The following CCNY variants were observed in gnomAD, a reference collection of about 807,000 sequenced individuals.
CCNY encodes cyclin Y.
In CCNY, 19 loss-of-function variants were observed where a neutral mutation model predicts 42.8. The observed-to-expected ratio is 0.44, with a 90% CI of 0.31 to 0.65. The LOEUF is 0.65. CCNY is among the 30% of genes least tolerant of loss of function. The pLI, the probability that CCNY is intolerant of heterozygous loss-of-function variation, is 0.07. For synonymous variants in CCNY, 165 were observed against 162.7 expected (o/e 1.01, Z -0.11); for missense variants, 370 against 437.3 (o/e 0.85, Z 1.37).
chr10:35,528,268 G>A (rs1840693102), intron 5 of CCNY, among the ~76,000 whole-genome samples: 3 of 152,168 alleles, frequency 2.0e-5, no homozygotes, highest in Admixed American at 2.0e-4. Flanking sequence ...GTGTAACCAC[G>A]TGCACCCAGA....
At chr10:35,324,104 A>T (rs1835853144) in intron 3 of CCNY, among the ~76,000 whole-genome samples, 1 of 152,164 alleles carries the variant, frequency 6.6e-6, no homozygotes, top group Non-Finnish European at 1.5e-5. Flanking sequence ...GTGAAAAAGA[A>T]TACACCTCAA....
chr10:35,555,391 C>T (rs1049358675), intron 8 of CCNY, among the ~76,000 whole-genome samples: 1 of 152,132 alleles, frequency 6.6e-6, no homozygotes, highest in Non-Finnish European at 1.5e-5. Context: ...ATTTGGAATT[C>T]TAGGTACTTA....
intron 3 of CCNY, among the ~76,000 whole-genome samples, chr10:35,506,655 C>G (rs1260266822): frequency 6.6e-6 from 1 of 152,170 alleles, no homozygotes; most frequent in Admixed American, 6.6e-5. Context: ...TACAGGGCAG[C>G]CGACAGGTGG....
At chr10:35,422,714 A>G (rs187967984) in intron 1 of CCNY, among the ~76,000 whole-genome samples, 182 of 152,218 alleles carry the variant, frequency 1.2e-3, no homozygotes, top group African/African-American at 4.3e-3. Context: ...ATATTTGCTT[A>G]TTTTTTTGTC....
At position 35,399,349 on chromosome 10, in the gene CCNY, C is replaced by T. The variant is rs1032059877; in HGVS notation, c.154+62142C>T. On this transcript the variant is annotated intron_variant, in intron 1 of 9. Transcript: ENST00000374704. ...CTTATCCATGTTTGAGGTTACTTCT[C>T]GGGGACTGGTGTCTTGGGTGTCTAC... Among the ~76,000 whole-genome samples the T allele has an allele frequency of 2.1e-4, 13 of 61,150 alleles. No homozygotes were observed. In the South Asian group the frequency reaches 2.3e-3, roughly 11 times the overall value. The allele number at this position is 61,150 out of a possible 152,430, so 40.1% of individuals were successfully genotyped here.
chr10:35,324,738 C>T (rs970742419), intron 3 of CCNY, among the ~76,000 whole-genome samples: 1 of 152,098 alleles, frequency 6.6e-6, no homozygotes, highest in Non-Finnish European at 1.5e-5. Context: ...TTATAGAGTG[C>T]TGCTTTTGTG....
intron 1 of CCNY, among the ~76,000 whole-genome samples, chr10:35,429,069 A>G (rs1039259156): frequency 1.3e-5 from 2 of 152,234 alleles, no homozygotes; most frequent in Admixed American, 1.3e-4. Context: ...ATGTGTTTCT[A>G]GTCACCTTCT....
At chr10:35,564,877 C>T (rs958175837) in intron 8 of CCNY, among the ~76,000 whole-genome samples, 2 of 152,226 alleles carry the variant, frequency 1.3e-5, no homozygotes, top group Non-Finnish European at 2.9e-5. Context: ...GCAGATGTTG[C>T]ACTTCCTGAC....
intron 1 of CCNY, among the ~76,000 whole-genome samples, chr10:35,349,437 G>A (rs1174681146): frequency 6.6e-6 from 1 of 152,142 alleles, no homozygotes; most frequent in Admixed American, 6.5e-5. Context: ...GCTTTAACAT[G>A]GTTTGAAACA....
chr10:35,262,191 G>A (rs1323067033), intron 3 of CCNY, among the ~76,000 whole-genome samples: 3 of 148,910 alleles, frequency 2.0e-5, no homozygotes, highest in Non-Finnish European at 3.0e-5. Context: ...GAACCCAGGA[G>A]GCGGAGGCTG....
intron 1 of CCNY, among the ~76,000 whole-genome samples, chr10:35,373,456 A>T (rs1482550530): frequency 6.6e-6 from 1 of 152,130 alleles, no homozygotes; most frequent in African/African-American, 2.4e-5. Context: ...TGTTGAGGGC[A>T]AGGATGGTGT....
intron 1 of CCNY, among the ~76,000 whole-genome samples, chr10:35,434,926 C>T (rs1393853763): frequency 6.6e-6 from 1 of 152,172 alleles, no homozygotes; most frequent in Non-Finnish European, 1.5e-5. Context: ...TCTCCTGCTT[C>T]TCGACTCCTT....
chr10:35,527,970 G>C (rs910965), intron 5 of CCNY, among the ~76,000 whole-genome samples: 1 of 152,144 alleles, frequency 6.6e-6, no homozygotes, highest in Non-Finnish European at 1.5e-5. Flanking sequence ...TTCCTGAGTC[G>C]TCTTAGCTCG....
Position 35,571,971 on chromosome 10 carries a change from T to C in CCNY, c.*2801T>C, listed in dbSNP as rs1841695390. The C allele has an allele frequency of 3.3e-5, 5 of 152,080 alleles. No homozygotes were observed. The highest frequency in any genetic ancestry group is 3.3e-4 in the Admixed American group (5 of 15,270). The allele number at this position is 152,080 out of a possible 1,614,324, so 9.4% of individuals were successfully genotyped here. A position where few individuals can be genotyped will look rare whatever the true frequency, so the allele number is the denominator to read the frequency against. Reference sequence around the variant, plus strand: ...TTTGTTTTACTTTTCTTATTTTTTTTTTTTTAACTAGAAAAAGGGAAAGAA... The same window carrying C: ...TTTGTTTTACTTTTCTTATTTTTTTCTTTTTAACTAGAAAAAGGGAAAGAA... On this transcript the variant is annotated 3_prime_UTR_variant, in exon 10 of 10. Transcript: ENST00000374704.
chr10:35,339,301 G>A (rs998550513), intron 1 of CCNY, among the ~76,000 whole-genome samples: 1 of 152,148 alleles, frequency 6.6e-6, no homozygotes, highest in Non-Finnish European at 1.5e-5. Context: ...TGAGATGCAG[G>A]TAGGCCTGAG....
intron 3 of CCNY, among the ~76,000 whole-genome samples, chr10:35,273,627 G>A (rs1442740196): frequency 9.2e-5 from 14 of 152,104 alleles, no homozygotes; most frequent in Admixed American, 9.2e-4. Context: ...CTGTGACCTG[G>A]TGGATTTGGC....
chr10:35,414,817 T>C (rs1837990229), intron 1 of CCNY, among the ~76,000 whole-genome samples: 1 of 152,100 alleles, frequency 6.6e-6, no homozygotes, highest in Non-Finnish European at 1.5e-5. Flanking sequence ...TTTTCACACA[T>C]AAAAGAGGGT....
At chr10:35,326,620 C>T (rs1022650047) in intron 3 of CCNY, among the ~76,000 whole-genome samples, 3 of 152,042 alleles carry the variant, frequency 2.0e-5, no homozygotes, top group Admixed American at 6.6e-5. Context: ...GCTTCTAGGC[C>T]GGGTGTGGTG....
At chr10:35,315,767 TTGAC>T (rs1835753107) in intron 3 of CCNY, among the ~76,000 whole-genome samples, 1 of 152,228 alleles carries the variant, frequency 6.6e-6, no homozygotes, top group Admixed American at 6.5e-5. Flanking sequence ...TGTTATTTTT[TTGAC>T]TTTTTAGTAA....
Sources: allele counts gnomAD v4.1 joint callset (sites outside exome capture counted in the v4.1 genomes callset), GRCh38; gene constraint gnomAD v4.1.1; transcripts MANE v1.5; gene names NCBI Gene and HGNC (gene_info 2026-07-23, HGNC 2026-07-21).